Variants in C12orf60 observed in about 807,000 individuals in gnomAD.
C12orf60 encodes the protein chromosome 12 open reading frame 60.
For missense variants in C12orf60, 284 were observed against 283.2 expected (o/e 1.00, Z -0.02); for synonymous variants, 102 against 94.6 (o/e 1.08, Z -0.45).
At chr12:14,819,759 A>G (rs1189478204) in intron 1 of C12orf60, among the ~76,000 whole-genome samples, 3 of 152,084 alleles carry the variant, frequency 2.0e-5, no homozygotes, top group Admixed American at 6.6e-5. Context: ...TGATATGATC[A>G]TATGGTTTTT....
chr12:14,812,167 G>A (rs150902503), intron 1 of C12orf60, among the ~76,000 whole-genome samples: 2,506 of 152,252 alleles, frequency 0.016, 68 homozygotes, highest in African/African-American at 0.056. Context: ...ATATTTGGCC[G>A]GGCGTGGTGG....
intron 1 of C12orf60, among the ~76,000 whole-genome samples, chr12:14,818,170 T>C (rs1950252277): frequency 6.6e-6 from 1 of 152,224 alleles, no homozygotes; most frequent in South Asian, 2.1e-4. Flanking sequence ...GCCCATTTTT[T>C]GATAGGGTTG....
intron 1 of C12orf60, among the ~76,000 whole-genome samples, chr12:14,808,716 C>A (rs1474640160): frequency 6.6e-6 from 1 of 152,188 alleles, no homozygotes; most frequent in South Asian, 2.1e-4. Flanking sequence ...TGCACTGGAA[C>A]CTCCTGGTAA....
At chr12:14,807,143 T>C (rs1950064406) in intron 1 of C12orf60, among the ~76,000 whole-genome samples, 1 of 152,210 alleles carries the variant, frequency 6.6e-6, no homozygotes, top group Non-Finnish European at 1.5e-5. Context: ...CAGCAGGTTC[T>C]TTAAAACAGT....
In C12orf60 at chr12:14,823,405, ATACAG is replaced by A; in HGVS notation, c.471_475del (p.Tyr157Ter). On this transcript the variant is annotated stop_gained and frameshift_variant, in exon 2 of 2. Coordinates refer to ENST00000330828, the MANE Select transcript of C12orf60 (RefSeq NM_175874.4). LOFTEE classifies it low-confidence loss of function (END_TRUNC). ...ATGAATCTTCAATTAAGTGACTTCT[ATACAG>A]AAGACACCAAAGAGCAATCAGATGT... is the stretch of plus-strand genomic sequence containing the variant. 6.2e-7 allele frequency: 1 copy of A among 1,614,096 alleles called. No homozygotes were observed. Among genetic ancestry groups the A allele is most frequent in the South Asian group, 1.1e-5 (1 of 91,090 alleles).
chr12:14,812,520 C>G (rs1027689096), intron 1 of C12orf60, among the ~76,000 whole-genome samples: 15 of 152,074 alleles, frequency 9.9e-5, no homozygotes, highest in African/African-American at 3.6e-4. Flanking sequence ...AAAATTGTTT[C>G]ACTATCACTA....
At chr12:14,814,823 A>G (rs137878795) in intron 1 of C12orf60, among the ~76,000 whole-genome samples, 97 of 152,326 alleles carry the variant, frequency 6.4e-4, no homozygotes, top group Admixed American at 1.7e-3. Context: ...CAGCAAAGAC[A>G]CCTGAGTGGC....
At chr12:14,820,031 C>A (rs975610762) in intron 1 of C12orf60, among the ~76,000 whole-genome samples, 1 of 151,964 alleles carries the variant, frequency 6.6e-6, no homozygotes, top group Non-Finnish European at 1.5e-5. Context: ...TAACTACAGG[C>A]GCAATTTCTT....
At position 14,810,444 on chromosome 12, in the gene C12orf60, G is replaced by A. The variant is rs115300692; in HGVS notation, c.-25+6693G>A. 7.2e-3 allele frequency among the ~76,000 whole-genome samples: 1,102 copies of A among 152,300 alleles called. 16 individuals carry two copies. Among genetic ancestry groups the A allele is most frequent in the African/African-American group, 0.026 (1,061 of 41,560 alleles). On this transcript the variant is annotated intron_variant, in intron 1 of 1. Coordinates refer to ENST00000330828, the MANE Select transcript of C12orf60 (RefSeq NM_175874.4). ...CATCTAATAGGTTAGTACTTACCAC[G>A]TGTAAGGTCATATGCCAGCACCACT...
chr12:14,805,882 A>T (rs1431551638), intron 1 of C12orf60: 1 of 1,035,928 alleles, frequency 9.7e-7, no homozygotes, highest in Non-Finnish European at 1.4e-6. Flanking sequence ...TCCCTCTCCA[A>T]ATTGTTTATC....
chr12:14,805,744 A>G (rs1297303212), intron 1 of C12orf60: 1 of 429,698 alleles, frequency 2.3e-6, no homozygotes, highest in East Asian at 3.8e-5. Flanking sequence ...CCCAATGTTG[A>G]TCTGGTAGAG....
chr12:14,809,724 A>G (rs890704461), intron 1 of C12orf60, among the ~76,000 whole-genome samples: 1 of 152,214 alleles, frequency 6.6e-6, no homozygotes, highest in Non-Finnish European at 1.5e-5. Context: ...ATAAAAAAAA[A>G]GCACATGCAA....
chr12:14,817,244 T>C (rs1950236374), intron 1 of C12orf60, among the ~76,000 whole-genome samples: 1 of 152,216 alleles, frequency 6.6e-6, no homozygotes, highest in Admixed American at 6.5e-5. Context: ...TGGTATGACA[T>C]AAAATCAAGG....
chr12:14,810,028 T>A (rs1276420685), intron 1 of C12orf60, among the ~76,000 whole-genome samples: 1 of 152,234 alleles, frequency 6.6e-6, no homozygotes, highest in African/African-American at 2.4e-5. Context: ...TCGTGGGATC[T>A]AGACATCAGT....
At chr12:14,816,613 A>G (rs1425579899) in intron 1 of C12orf60, among the ~76,000 whole-genome samples, 1 of 152,178 alleles carries the variant, frequency 6.6e-6, no homozygotes, top group African/African-American at 2.4e-5. Context: ...GCTTCTGTAC[A>G]TATTCCTGCC....
At position 14,822,464 on chromosome 12, in the gene C12orf60, G is replaced by A. The variant is rs371781937; in HGVS notation, c.-24-448G>A. Among the ~76,000 whole-genome samples, 31 of 152,218 alleles carry A rather than the reference G, an allele frequency of 2.0e-4. No homozygotes were observed. The East Asian group carries it at 4.8e-3, about 24-fold the overall frequency. ...ATCCACCTTTCAGAATTATCTGATA[G>A]TGATTTTATATATTCAGTCCAGGAT... On this transcript the variant is annotated intron_variant, in intron 1 of 1. Transcript: ENST00000330828.
At chr12:14,806,959 G>A (rs1398234631) in intron 1 of C12orf60, among the ~76,000 whole-genome samples, 1 of 152,154 alleles carries the variant, frequency 6.6e-6, no homozygotes, top group Non-Finnish European at 1.5e-5. Flanking sequence ...AGCCTCCCGA[G>A]TAGCTGGGAT....
chr12:14,806,062 C>T (rs1323221255), intron 1 of C12orf60: 3 of 1,614,118 alleles, frequency 1.9e-6, no homozygotes, highest in South Asian at 2.2e-5. Context: ...TTATATTTTT[C>T]TGAGGCTGAT....
At chr12:14,805,385 C>T (rs1950032001) in intron 1 of C12orf60, 1 of 152,136 alleles carries the variant, frequency 6.6e-6, no homozygotes, top group East Asian at 1.9e-4. Context: ...TGATTTTTAC[C>T]ATTTTCAAAT....
Sources: gnomAD v4.1 joint callset for allele counts (sites outside exome capture counted in the v4.1 genomes callset) on GRCh38, gnomAD v4.1.1 for gene constraint, MANE v1.5 for transcripts, NCBI Gene and HGNC (gene_info 2026-07-23, HGNC 2026-07-21) for gene names.